EPB41L3: variants seen among roughly 807,000 people sequenced by gnomAD.
The protein encoded by EPB41L3 is band 4.1-like protein 3.
A neutral mutation model predicts 127.1 loss-of-function variants in EPB41L3; 57 were observed. That is an observed-to-expected ratio of 0.45 (90% CI 0.36 to 0.56). EPB41L3 has a LOEUF of 0.56. Among genes scored for constraint, EPB41L3 ranks in the 20% least tolerant of loss-of-function variants. The pLI is 0.00. For missense variants in EPB41L3, 1,273 were observed against 1,372.2 expected, an observed-to-expected ratio of 0.93 and a Z score of 1.14; for synonymous variants, 572 against 549.5, an observed-to-expected ratio of 1.04 and a Z score of -0.57.
At chr18:5,594,665 C>A (rs80284521) in intron 3 of EPB41L3, among the ~76,000 whole-genome samples, 1,782 of 152,180 alleles carry the variant, frequency 0.012, 28 homozygotes, top group African/African-American at 0.035. Context: ...ACTAAAAAAC[C>A]AGCTTTCTAA....
At chr18:5,535,948 C>T (rs540595150) in intron 1 of EPB41L3, among the ~76,000 whole-genome samples, 2 of 152,168 alleles carry the variant, frequency 1.3e-5, no homozygotes, top group Non-Finnish European at 1.5e-5. Context: ...TGACCCCGTA[C>T]ACCTACTAAA....
At chr18:5,605,332 T>C (rs1469686461) in intron 3 of EPB41L3, among the ~76,000 whole-genome samples, 1 of 152,120 alleles carries the variant, frequency 6.6e-6, no homozygotes. Context: ...AAATTTCAAG[T>C]GTTAGGTACA....
chr18:5,398,564 C>T (rs776140716), intron 16 of EPB41L3: 15 of 402,416 alleles, frequency 3.7e-5, no homozygotes, highest in African/African-American at 8.2e-5. Context: ...GCAAGAGAAA[C>T]GGAAAGGTTT....
At chr18:5,583,946 T>C (rs200752642) in intron 3 of EPB41L3, among the ~76,000 whole-genome samples, 1 of 152,122 alleles carries the variant, frequency 6.6e-6, no homozygotes, top group Non-Finnish European at 1.5e-5. Context: ...GTAGCTGGGA[T>C]TACAGGCATG....
At chr18:5,607,758 C>T (rs373055024) in intron 3 of EPB41L3, among the ~76,000 whole-genome samples, 1 of 152,092 alleles carries the variant, frequency 6.6e-6, no homozygotes, top group Admixed American at 6.5e-5. Context: ...TTAATATAAT[C>T]CCCCCTGTTC....
intron 2 of EPB41L3, 28 bp from the exon 3 acceptor site, chr18:5,478,466 T>A (rs781695637): frequency 6.2e-7 from 1 of 1,610,182 alleles, no homozygotes; most frequent in South Asian, 1.1e-5. Flanking sequence ...TCAACAGTTT[T>A]CATTGCAAGG....
intron 13 of EPB41L3, among the ~76,000 whole-genome samples, chr18:5,411,903 C>T (rs1568037617): frequency 1.3e-5 from 2 of 152,164 alleles, no homozygotes; most frequent in South Asian, 4.1e-4. Flanking sequence ...CCTGAGGACA[C>T]CATTCTGGCA....
chr18:5,484,420 G>C (rs953930619), intron 2 of EPB41L3, among the ~76,000 whole-genome samples: 1 of 151,310 alleles, frequency 6.6e-6, no homozygotes, highest in Non-Finnish European at 1.5e-5. Flanking sequence ...ATAACTCAAC[G>C]ATGCACCTCA....
At position 5,415,929 on chromosome 18, in the gene EPB41L3, GT is replaced by G; in HGVS notation, c.1955del (p.Tyr652SerfsTer23). 1 of 1,614,096 alleles carries G rather than the reference GT, an allele frequency of 6.2e-7. No homozygotes were observed. Among genetic ancestry groups the G allele is most frequent in the Non-Finnish European group, 8.5e-7 (1 of 1,180,032 alleles). On this transcript the variant is annotated frameshift_variant, in exon 13 of 23. Transcript: ENST00000341928. LOFTEE classifies it high-confidence loss of function. ...FLLSASFSVP[Y>X]ALTLSFPLAL... ...CCAGAGGGAAGGAGAGAGTGAGAGC[GT>G]ATGGCACTGAGAAGGAGGCAGACAG...
chr18:5,455,560 T>C (rs2082911382), intron 3 of EPB41L3, among the ~76,000 whole-genome samples: 1 of 152,016 alleles, frequency 6.6e-6, no homozygotes, highest in South Asian at 2.1e-4. Context: ...ACACTTCAAG[T>C]ACATACATGA....
At chr18:5,525,171 T>G (rs970018209) in intron 1 of EPB41L3, among the ~76,000 whole-genome samples, 2 of 152,122 alleles carry the variant, frequency 1.3e-5, no homozygotes, top group African/African-American at 4.8e-5. Context: ...TTTCTTACAT[T>G]TGCTCCAAGC....
Position 5,397,108 on chromosome 18 carries a change from T to C in EPB41L3, c.2791A>G (p.Ser931Gly). 1.2e-6 allele frequency: 2 copies of C among 1,613,980 alleles called. No homozygotes were observed. Among genetic ancestry groups the C allele is most frequent in the African/African-American group, 1.3e-5 (1 of 75,068 alleles). ...GTTTCTGAAATGTGGATGGCTGCAC[T>C]CTGCTCCTCTTGTCGCTCACGGGAA... The part of the protein sequence containing the change: ...AASRERQEEQ[S>G]AAIHISETLE... Residue 931 changes from serine to glycine, a missense_variant, in exon 18 of 23, where the codon AGT becomes GGT. This residue lies in a region of EPB41L3 where 765 missense variants were observed against 782.9 expected (regional missense o/e 0.98). Transcript: ENST00000341928. The surrounding 1 kb of genome is among the most constrained non-coding windows in gnomAD (Gnocchi z 4.1).
At chr18:5,540,855 C>T (rs948646455) in intron 1 of EPB41L3, among the ~76,000 whole-genome samples, 13 of 151,976 alleles carry the variant, frequency 8.6e-5, no homozygotes, top group African/African-American at 2.7e-4. Context: ...GAGGCCGAGA[C>T]GGGTGGATCA....
chr18:5,602,586 A>C (rs1040394339), intron 3 of EPB41L3, among the ~76,000 whole-genome samples: 1 of 152,200 alleles, frequency 6.6e-6, no homozygotes, highest in African/African-American at 2.4e-5. Flanking sequence ...CTGGGACTAC[A>C]GGCATGTGCC....
chr18:5,487,093 A>C (rs2089877434), intron 2 of EPB41L3, among the ~76,000 whole-genome samples: 1 of 152,222 alleles, frequency 6.6e-6, no homozygotes, highest in African/African-American at 2.4e-5. Context: ...CATCAACAGA[A>C]GAATGAATTT....
intron 1 of EPB41L3, among the ~76,000 whole-genome samples, chr18:5,616,807 G>A (rs982517358): frequency 6.6e-6 from 1 of 152,078 alleles, no homozygotes; most frequent in Non-Finnish European, 1.5e-5. Context: ...CATGTGGTTG[G>A]TTGATAGCTA....
chr18:5,610,422 G>C (rs2094712826), intron 3 of EPB41L3, among the ~76,000 whole-genome samples: 1 of 152,098 alleles, frequency 6.6e-6, no homozygotes, highest in African/African-American at 2.4e-5. Context: ...CATCCAAAGT[G>C]ATCTCTCATG....
At chr18:5,568,425 A>T (rs1183680216) in intron 3 of EPB41L3, among the ~76,000 whole-genome samples, 1 of 95,026 alleles carries the variant, frequency 1.1e-5, no homozygotes, top group African/African-American at 4.4e-5. Context: ...TCCTCTGGAT[A>T]GTAAAAAAAA....
chr18:5,592,484 T>C (rs900525350), intron 3 of EPB41L3, among the ~76,000 whole-genome samples: 1 of 152,242 alleles, frequency 6.6e-6, no homozygotes, highest in African/African-American at 2.4e-5. Context: ...AACTGCTAAC[T>C]GGCTGTGGCA....
Sources: gnomAD v4.1 joint callset for allele counts (sites outside exome capture counted in the v4.1 genomes callset) on GRCh38, gnomAD v4.1.1 for gene constraint, gnomAD v4.1.1 regional missense constraint, Gnocchi (gnomAD v3.1) non-coding constraint, MANE v1.5 for transcripts, NCBI Gene and HGNC (gene_info 2026-07-23, HGNC 2026-07-21) for gene names.